Variants in VRTN observed in about 807,000 individuals in gnomAD.
VRTN encodes vertebrae development associated, also known as vertnin.
A neutral mutation model predicts 18.2 loss-of-function variants in VRTN; 5 were observed. That is an observed-to-expected ratio of 0.27 (90% CI 0.14 to 0.58). The LOEUF (loss-of-function observed/expected upper bound fraction) is 0.58. Among genes scored for constraint, VRTN ranks in the 20% least tolerant of loss-of-function variants. The pLI, the probability that VRTN is intolerant of heterozygous loss-of-function variation, is 0.91. For missense variants in VRTN, 741 were observed against 939.4 expected, an observed-to-expected ratio of 0.79 and a Z score of 2.76; for synonymous variants, 381 against 393.7, an observed-to-expected ratio of 0.97 and a Z score of 0.38.
intron 2 of VRTN, among the ~76,000 whole-genome samples, chr14:74,339,418 G>C (rs1438500614): frequency 6.6e-6 from 1 of 150,802 alleles, no homozygotes; most frequent in Non-Finnish European, 1.5e-5. Flanking sequence ...GACTCTGGAT[G>C]GGGGAGTAAA....
At chr14:74,348,380 C>G (rs2085657339), upstream of VRTN, 1 of 152,204 alleles carries the variant, frequency 6.6e-6, no homozygotes, top group African/African-American at 2.4e-5. Context: ...GGAAGTGACC[C>G]CCGAATTTGC....
chr14:74,333,415 G>C (rs551066300), intron 1 of VRTN, among the ~76,000 whole-genome samples: 1 of 151,382 alleles, frequency 6.6e-6, no homozygotes, highest in South Asian at 2.1e-4. Context: ...ACTTGAACCC[G>C]GGAGATCAAG....
chr14:74,332,697 G>A (rs1207399694), intron 1 of VRTN, among the ~76,000 whole-genome samples: 9 of 151,638 alleles, frequency 5.9e-5, no homozygotes, highest in Non-Finnish European at 7.4e-5. Context: ...AACAACCAGT[G>A]CCCTTGGGCA....
At chr14:74,310,459 G>A (rs1235037368) in intron 1 of VRTN, among the ~76,000 whole-genome samples, 1 of 149,326 alleles carries the variant, frequency 6.7e-6, no homozygotes, top group Middle Eastern at 3.2e-3. Context: ...ATGGACCTCA[G>A]AGCCGGATTG....
At chr14:74,322,996 G>A (rs767954780) in intron 1 of VRTN, among the ~76,000 whole-genome samples, 6 of 151,918 alleles carry the variant, frequency 3.9e-5, no homozygotes, top group African/African-American at 7.3e-5. Context: ...AGCCAGGCAT[G>A]GTGACATGCA....
intron 1 of VRTN, among the ~76,000 whole-genome samples, chr14:74,310,630 T>C (rs2085382375): frequency 1.3e-5 from 2 of 148,982 alleles, no homozygotes; most frequent in African/African-American, 4.9e-5. Context: ...CTCCGCCTCC[T>C]GGGTTCAAGT....
exon 1 of VRTN, chr14:74,303,128 G>T: frequency 2.2e-6 from 1 of 449,482 alleles, no homozygotes; most frequent in Non-Finnish European, 4.0e-6. Context: ...ATATTTTCTG[G>T]GAGACTTCCC....
Position 74,313,828 on chromosome 14 carries a change from C to T in VRTN, c.-164+10652C>T, listed in dbSNP as rs139840190. Among the ~76,000 whole-genome samples the T allele has an allele frequency of 2.3e-3, 348 of 152,190 alleles. 21 individuals are homozygous for T. The East Asian group carries it at 0.061, about 27-fold the overall frequency. ...AGACCTCATTGCTACAAAACAAAAA[C>T]AAAAATTAGCTGGGTGTGGTGGTGC... On this transcript the variant is annotated intron_variant, in intron 1 of 2. Transcript: ENST00000557177.
At chr14:74,332,309 C>T (rs1443453500) in intron 1 of VRTN, among the ~76,000 whole-genome samples, 1 of 145,922 alleles carries the variant, frequency 6.9e-6, no homozygotes, top group Admixed American at 7.0e-5. Flanking sequence ...CTACCTTTCC[C>T]CCTCCGGAGG....
intron 1 of VRTN, among the ~76,000 whole-genome samples, chr14:74,312,754 G>GTTTT (rs57025624): frequency 3.1e-5 from 4 of 130,322 alleles, no homozygotes; most frequent in African/African-American, 2.9e-5. Flanking sequence ...CCTGGCCTGT[G>GTTTT]TTTTTTTTTT....
upstream of VRTN, among the ~76,000 whole-genome samples, chr14:74,348,108 A>T (rs893178229): frequency 2.6e-5 from 4 of 152,018 alleles, no homozygotes; most frequent in Non-Finnish European, 5.9e-5. Context: ...TTAAGCAATT[A>T]TCCATAGCTA....
chr14:74,310,247 A>G (rs1350201824), intron 1 of VRTN, among the ~76,000 whole-genome samples: 2 of 151,882 alleles, frequency 1.3e-5, no homozygotes, highest in African/African-American at 4.8e-5. Flanking sequence ...AAAATACAAA[A>G]TTAGCCAGGC....
intron 1 of VRTN, among the ~76,000 whole-genome samples, chr14:74,353,894 T>C (rs1372930306): frequency 6.6e-6 from 1 of 152,000 alleles, no homozygotes; most frequent in Non-Finnish European, 1.5e-5. Context: ...GGCTAATTTT[T>C]TGTATTTTTA....
At chr14:74,318,572 C>G (rs1188033173) in intron 1 of VRTN, among the ~76,000 whole-genome samples, 1 of 151,656 alleles carries the variant, frequency 6.6e-6, no homozygotes, top group African/African-American at 2.4e-5. Flanking sequence ...CGCAAGGCCC[C>G]GGCTAATTTT....
intron 1 of VRTN, among the ~76,000 whole-genome samples, chr14:74,349,937 G>T (rs1326135339): frequency 2.6e-5 from 4 of 152,114 alleles, no homozygotes; most frequent in Non-Finnish European, 5.9e-5. Flanking sequence ...TCCCGAGTGT[G>T]CCTTGCCTCC....
chr14:74,341,285 G>C (rs1022765111), intron 2 of VRTN, among the ~76,000 whole-genome samples: 1 of 152,094 alleles, frequency 6.6e-6, no homozygotes, highest in African/African-American at 2.4e-5. Flanking sequence ...ATTAGATCTG[G>C]GGAGGCCAGG....
intron 1 of VRTN, chr14:74,305,437 G>C (rs1329546414): frequency 5.3e-6 from 1 of 189,364 alleles, no homozygotes; most frequent in Non-Finnish European, 1.2e-5. Context: ...CCAAATCAAA[G>C]GAACTTACTT....
chr14:74,349,541 G>A (rs1438532345), intron 1 of VRTN, among the ~76,000 whole-genome samples: 1 of 152,238 alleles, frequency 6.6e-6, no homozygotes, highest in East Asian at 1.9e-4. Context: ...GGAGGGCTGA[G>A]AACATGGGAT....
chr14:74,320,477 T>C (rs1490893989), intron 1 of VRTN, among the ~76,000 whole-genome samples: 1 of 148,212 alleles, frequency 6.7e-6, no homozygotes, highest in South Asian at 2.1e-4. Context: ...TTAGCCAGGA[T>C]GGTCTCGATC....
Sources: gnomAD v4.1 joint callset for allele counts (sites outside exome capture counted in the v4.1 genomes callset) on GRCh38, gnomAD v4.1.1 for gene constraint, MANE v1.5 for transcripts, NCBI Gene and HGNC (gene_info 2026-07-23, HGNC 2026-07-21) for gene names.